Variants in NSD1 observed in about 807,000 individuals in gnomAD.
The protein encoded by NSD1 is histone-lysine N-methyltransferase, H3 lysine-36 specific.
In NSD1, 26 loss-of-function variants were observed where a neutral mutation model predicts 242.7. The observed-to-expected ratio is 0.11, with a 90% CI of 0.08 to 0.15. The LOEUF (loss-of-function observed/expected upper bound fraction) is 0.15. Among genes scored for constraint, NSD1 ranks in the 10% least tolerant of loss-of-function variants. NSD1 has a pLI of 1.00. For synonymous variants in NSD1, 1,106 were observed against 1,178.1 expected (o/e 0.94, Z 1.25); for missense variants, 2,495 against 3,272.8 (o/e 0.76, Z 5.80).
At chr5:177,216,072 AG>A (rs1763749522) in intron 5 of NSD1, among the ~76,000 whole-genome samples, 3 of 152,142 alleles carry the variant, frequency 2.0e-5, no homozygotes, top group Admixed American at 6.6e-5. Context: ...TATGCTGCCC[AG>A]GCTGGTCTTC....
chr5:177,212,168 A>G lies in NSD1; in HGVS notation c.3769A>G (p.Thr1257Ala). The G allele has an allele frequency of 3.1e-6, 5 of 1,614,020 alleles. No individual in the cohort carries two copies. The highest frequency in any genetic ancestry group is 4.2e-6 in the Non-Finnish European group (5 of 1,180,012). The stretch of plus-strand genomic sequence containing the variant: ...AAAGGAGCCAGGAATTCCCAGTTTG[A>G]CACCACAGGCTGAGCTCCCTGAACC... ...MEKEPGIPSL[T>A]PQAELPEPAV... The change falls in exon 5 of 23, where the codon ACA (threonine) becomes GCA (alanine). Residue 1257 changes from threonine to alanine, a missense_variant. Thr to Ala is a moderately conservative substitution (Grantham distance 58, BLOSUM62 0). This residue lies in a region of NSD1 where 426 missense variants were observed against 411.4 expected (regional missense o/e 1.04). Transcript: ENST00000439151.
intron 2 of NSD1, among the ~76,000 whole-genome samples, chr5:177,144,295 C>G (rs1288454684): frequency 6.6e-6 from 1 of 151,782 alleles, no homozygotes; most frequent in African/African-American, 2.4e-5. Context: ...GATCTTGGCT[C>G]CTGGCTGGGC....
rs886060464 is a variant in NSD1, at chr5:177,300,063, C to A, written c.*4604C>A. ...ATCATTGCTTTTTTGCCGCGCCCCC[C>A]CCCCCCCGCCCCCATAGATTGTCAG... On this transcript the variant is annotated 3_prime_UTR_variant, in exon 23 of 23. Transcript: ENST00000439151. The A allele has an allele frequency of 1.0e-4, 19 of 190,056 alleles. No individual in the cohort carries two copies. The highest frequency in any genetic ancestry group is 2.5e-4 in the South Asian group (1 of 4,046). 11.8% of individuals were successfully genotyped at this position (190,056 alleles called of 1,614,324 possible).
rs184320051 is a variant in NSD1 at position 177,161,897 on chromosome 5, T to C, written c.927+25867T>C. Among the ~76,000 whole-genome samples, 95 of 152,150 alleles carry C rather than the reference T, an allele frequency of 6.2e-4. 2 individuals carry two copies. The East Asian group carries it at 0.017, about 27-fold the overall frequency. On this transcript the variant is annotated intron_variant, in intron 2 of 22. Transcript: ENST00000439151. ...AACTCCTGGTTTCAACAGATCCACCTGCCTCAGCCTGCCAAAGTGCTGAGA... is the reference window on the plus strand; with the variant it reads ...AACTCCTGGTTTCAACAGATCCACCCGCCTCAGCCTGCCAAAGTGCTGAGA...
intron 3 of NSD1, among the ~76,000 whole-genome samples, chr5:177,203,621 A>G (rs978287471): frequency 6.6e-6 from 1 of 152,176 alleles, no homozygotes; most frequent in African/African-American, 2.4e-5. Context: ...GTGCTCGTCT[A>G]TGAGTAGCTA....
chr5:177,248,064 G>C (rs1386766972), intron 10 of NSD1, 117 bp from the exon 11 acceptor site: 1 of 1,546,830 alleles, frequency 6.5e-7, no homozygotes, highest in South Asian at 1.2e-5. Flanking sequence ...CCGCCCGAGT[G>C]ATTGGCTGAA....
chr5:177,170,981 C>CA (rs779675623), intron 2 of NSD1, among the ~76,000 whole-genome samples: 6 of 147,882 alleles, frequency 4.1e-5, no homozygotes, highest in Non-Finnish European at 8.9e-5. Flanking sequence ...TTTGTCACTT[C>CA]AAAATGAAAC....
chr5:177,171,013 A>G (rs897315473), intron 2 of NSD1, among the ~76,000 whole-genome samples: 2 of 149,750 alleles, frequency 1.3e-5, no homozygotes, highest in Admixed American at 6.7e-5. Flanking sequence ...ATAATTTACC[A>G]TGTTAAAAAA....
intron 2 of NSD1, among the ~76,000 whole-genome samples, chr5:177,144,155 T>C (rs1757047201): frequency 6.6e-6 from 1 of 152,198 alleles, no homozygotes; most frequent in Admixed American, 6.5e-5. Context: ...TGATGCCTAC[T>C]GCTGCATGCC....
At position 177,248,214 on chromosome 5, in the gene NSD1, C is replaced by T; in HGVS notation, c.4531C>T (p.Pro1511Ser). The T allele has an allele frequency of 6.2e-7, 1 of 1,614,074 alleles. No individual in the cohort carries two copies. Among genetic ancestry groups the T allele is most frequent in the Non-Finnish European group, 8.5e-7 (1 of 1,180,022 alleles). Residue 1511 changes from proline (P) to serine (S), a missense_variant, in exon 11 of 23, where the codon CCC (proline) becomes TCC (serine). Physicochemically the swap from Pro to Ser is moderately conservative, Grantham distance 74 (BLOSUM62 -1). Coordinates refer to ENST00000439151, the MANE Select transcript of NSD1 (RefSeq NM_022455.5). ...AATGCCTCACAGGACGGCCACAAGC[C>T]CCAAGGAGACTGTTGAGGAAGGTGT... The part of the protein sequence containing the change: ...ELMPHRTATS[P>S]KETVEEGVEH...
chr5:177,266,082 C>T (rs773402149), intron 14 of NSD1: 9 of 1,124,080 alleles, frequency 8.0e-6, no homozygotes, highest in African/African-American at 6.1e-5. Flanking sequence ...TGCCGGTCCT[C>T]GGTGGCCGTC....
At chr5:177,277,202 G>A (rs1758467415) in intron 17 of NSD1, among the ~76,000 whole-genome samples, 1 of 151,746 alleles carries the variant, frequency 6.6e-6, no homozygotes, top group Non-Finnish European at 1.5e-5. Flanking sequence ...ATGGTTCATG[G>A]GCAAATGTGG....
At position 177,213,118 on chromosome 5, in the gene NSD1, T is replaced by C. The variant is rs1296679965; in HGVS notation, c.3796+923T>C. Among the ~76,000 whole-genome samples, 6 of 152,348 alleles carry C rather than the reference T, an allele frequency of 3.9e-5. No individual in the cohort carries two copies. In the East Asian group the frequency reaches 9.6e-4, roughly 24 times the overall value. On this transcript the variant is annotated intron_variant, in intron 5 of 22. Transcript: ENST00000439151. ...AAAAATACCAGAAGTACCCAAGTGT[T>C]GTACCTAGCAGCAGATGGAAAACAG...
intron 9 of NSD1, 45 bp downstream of exon 9, chr5:177,244,315 T>C (rs1766110947): frequency 4.5e-6 from 6 of 1,340,296 alleles, no homozygotes; most frequent in Non-Finnish European, 6.4e-6. Context: ...GTAGTAAGTT[T>C]GAAGTGCTTT....
At chr5:177,202,482 G>A (rs1378912052) in intron 3 of NSD1, among the ~76,000 whole-genome samples, 1 of 152,084 alleles carries the variant, frequency 6.6e-6, no homozygotes, top group Non-Finnish European at 1.5e-5. Context: ...AGGATGAAGT[G>A]ATCCTCCCTT....
At chr5:177,266,184 G>A (rs984279069) in intron 14 of NSD1, 2 of 1,050,514 alleles carry the variant, frequency 1.9e-6, no homozygotes, top group African/African-American at 3.1e-5. Flanking sequence ...TGGACTCGTA[G>A]AAGAGGCAGT....
At chr5:177,278,685 G>A (rs543926232) in intron 17 of NSD1, among the ~76,000 whole-genome samples, 1 of 152,278 alleles carries the variant, frequency 6.6e-6, no homozygotes, top group South Asian at 2.1e-4. Context: ...AGGCAGCTAG[G>A]TGCTGTACTA....
Position 177,299,947 on chromosome 5 carries a change from G to A in NSD1, c.*4488G>A. ...GCAGCACACAGCAGCTCATGGCAGA[G>A]CCGCCTCCTAGGTCTTGGCAAAGAG... On this transcript the variant is annotated 3_prime_UTR_variant, in exon 23 of 23. Transcript: ENST00000439151. 4.3e-6 allele frequency: 1 copy of A among 233,072 alleles called. No individual in the cohort carries two copies. The highest frequency in any genetic ancestry group is 6.0e-5 in the East Asian group (1 of 16,566). The allele number at this position is 233,072 out of a possible 1,614,324, so 14.4% of individuals were successfully genotyped here. A position where few individuals can be genotyped will look rare whatever the true frequency, so the allele number is the denominator to read the frequency against.
intron 2 of NSD1, among the ~76,000 whole-genome samples, chr5:177,183,632 A>C (rs1463453175): frequency 6.6e-6 from 1 of 152,194 alleles, no homozygotes; most frequent in Non-Finnish European, 1.5e-5. Flanking sequence ...CAATCTAATT[A>C]TACCCTTTTT....
Sources: gnomAD v4.1 joint callset for allele counts (sites outside exome capture counted in the v4.1 genomes callset) on GRCh38, gnomAD v4.1.1 for gene constraint, gnomAD v4.1.1 regional missense constraint, MANE v1.5 for transcripts, NCBI Gene and HGNC (gene_info 2026-07-23, HGNC 2026-07-21) for gene names.